GABRG3: variants seen among roughly 807,000 people sequenced by gnomAD.
The protein encoded by GABRG3 is gamma-aminobutyric acid type A receptor subunit gamma3.
A neutral mutation model predicts 48.8 loss-of-function variants in GABRG3; 25 were observed. The observed-to-expected ratio is 0.51, with a 90% CI of 0.37 to 0.72. The LOEUF is 0.72. GABRG3 is among the 30% of genes least tolerant of loss of function. The pLI, the probability that GABRG3 is intolerant of heterozygous loss-of-function variation, is 0.00. For missense variants in GABRG3, 394 were observed against 577.9 expected, an observed-to-expected ratio of 0.68 and a Z score of 3.26; for synonymous variants, 227 against 217.6, an observed-to-expected ratio of 1.04 and a Z score of -0.38.
At chr15:27,066,109 TGTC>T (rs1896733897) in intron 3 of GABRG3, among the ~76,000 whole-genome samples, 1 of 152,246 alleles carries the variant, frequency 6.6e-6, no homozygotes, top group African/African-American at 2.4e-5. Flanking sequence ...AAACATTAGA[TGTC>T]TGGAAAACAT....
chr15:27,119,067 G>A (rs1007220787), intron 3 of GABRG3, among the ~76,000 whole-genome samples: 22 of 152,162 alleles, frequency 1.4e-4, no homozygotes, highest in Admixed American at 7.9e-4. Flanking sequence ...TCATCCCAGC[G>A]GTATTCTCCC....
chr15:27,287,680 T>C (rs73363108), intron 3 of GABRG3, among the ~76,000 whole-genome samples: 1 of 152,098 alleles, frequency 6.6e-6, no homozygotes. Flanking sequence ...ATTTCTGATG[T>C]TGAGTTAACC....
chr15:27,227,693 A>G (rs1889666770), intron 3 of GABRG3, among the ~76,000 whole-genome samples: 1 of 152,012 alleles, frequency 6.6e-6, no homozygotes, highest in Non-Finnish European at 1.5e-5. Context: ...TAAAGAAAAA[A>G]AAAAGAAAAC....
chr15:27,414,999 C>T (rs1338160652), intron 5 of GABRG3, among the ~76,000 whole-genome samples: 1 of 152,090 alleles, frequency 6.6e-6, no homozygotes, highest in Non-Finnish European at 1.5e-5. Flanking sequence ...TGCTTAAGGT[C>T]CTCTGAGCTT....
intron 7 of GABRG3, among the ~76,000 whole-genome samples, chr15:27,522,087 C>A (rs1012112830): frequency 6.6e-6 from 1 of 151,804 alleles, no homozygotes; most frequent in African/African-American, 2.4e-5. Flanking sequence ...TGATGACAAT[C>A]AAAAATAAAG....
At chr15:27,039,570 A>G (rs757646994) in intron 3 of GABRG3, among the ~76,000 whole-genome samples, 2 of 152,194 alleles carry the variant, frequency 1.3e-5, no homozygotes, top group Non-Finnish European at 2.9e-5. Context: ...AAGTGTTATG[A>G]AGACGCCACA....
At chr15:27,313,036 A>G (rs1294971993) in intron 3 of GABRG3, among the ~76,000 whole-genome samples, 2 of 142,180 alleles carry the variant, frequency 1.4e-5, no homozygotes, top group African/African-American at 2.7e-5. Context: ...TGAAGGGTGG[A>G]AAAAAAAAAC....
intron 3 of GABRG3, among the ~76,000 whole-genome samples, chr15:27,051,328 T>A (rs1415871340): frequency 1.3e-5 from 2 of 152,222 alleles, no homozygotes; most frequent in African/African-American, 4.8e-5. Flanking sequence ...AATGCATCTA[T>A]CCATCAATGT....
At chr15:27,438,984 A>C (rs1408697422) in intron 5 of GABRG3, among the ~76,000 whole-genome samples, 2 of 152,172 alleles carry the variant, frequency 1.3e-5, no homozygotes, top group African/African-American at 4.8e-5. Context: ...GCATGTTCAG[A>C]GTGCACACAG....
At chr15:27,114,919 C>A (rs1364846284) in intron 3 of GABRG3, among the ~76,000 whole-genome samples, 5 of 152,004 alleles carry the variant, frequency 3.3e-5, no homozygotes, top group African/African-American at 7.3e-5. Context: ...GGTTTCATTG[C>A]AAAGATATTT....
chr15:27,415,781 A>G (rs1887923032), intron 5 of GABRG3, among the ~76,000 whole-genome samples: 1 of 152,232 alleles, frequency 6.6e-6, no homozygotes, highest in African/African-American at 2.4e-5. Context: ...TCACTCTGCC[A>G]AAAGAAAGAT....
At chr15:27,410,368 T>C (rs1408678841) in intron 5 of GABRG3, among the ~76,000 whole-genome samples, 1 of 152,122 alleles carries the variant, frequency 6.6e-6, no homozygotes, top group Non-Finnish European at 1.5e-5. Context: ...ACTTTTTTAG[T>C]TTAGCTTGGT....
At chr15:27,385,252 T>G (rs1895887282) in intron 5 of GABRG3, among the ~76,000 whole-genome samples, 1 of 31,000 alleles carries the variant, frequency 3.2e-5, no homozygotes, top group Admixed American at 3.1e-4. Flanking sequence ...CACTCGAATT[T>G]CTCACAGCCC....
intron 7 of GABRG3, among the ~76,000 whole-genome samples, 197 bp downstream of exon 7, chr15:27,520,321 TAAATC>T (rs1891128655): frequency 6.6e-6 from 1 of 152,124 alleles, no homozygotes; most frequent in Non-Finnish European, 1.5e-5. Context: ...GTATGCCACT[TAAATC>T]AAGACGGCGT....
At chr15:27,508,526 A>G (rs1457462395) in intron 6 of GABRG3, among the ~76,000 whole-genome samples, 3 of 152,168 alleles carry the variant, frequency 2.0e-5, no homozygotes, top group African/African-American at 7.2e-5. Flanking sequence ...TAAAGTCAAT[A>G]TTATCAAAGC....
chr15:27,383,007 T>C (rs894589446), intron 5 of GABRG3, among the ~76,000 whole-genome samples: 2 of 152,170 alleles, frequency 1.3e-5, no homozygotes, highest in African/African-American at 4.8e-5. Flanking sequence ...AATAGACTTT[T>C]ACAGCCTTGA....
intron 3 of GABRG3, among the ~76,000 whole-genome samples, chr15:27,307,682 GGTTTAT>G (rs1393981231): frequency 1.7e-5 from 2 of 117,334 alleles, no homozygotes; most frequent in Admixed American, 1.8e-4. Flanking sequence ...TATAAACATA[GGTTTAT>G]GTTTATATAT....
intron 3 of GABRG3, among the ~76,000 whole-genome samples, chr15:27,159,134 T>C (rs1004932504): frequency 6.6e-6 from 1 of 152,166 alleles, no homozygotes; most frequent in African/African-American, 2.4e-5. Flanking sequence ...TATATTTATC[T>C]AAGCAATTTA....
At chr15:26,991,884 C>G (rs1313773650) in intron 2 of GABRG3, among the ~76,000 whole-genome samples, 1 of 152,014 alleles carries the variant, frequency 6.6e-6, no homozygotes, top group Non-Finnish European at 1.5e-5. Flanking sequence ...CCATGCCCAG[C>G]TAATTTTTTG....
Sources: allele counts gnomAD v4.1 joint callset (sites outside exome capture counted in the v4.1 genomes callset), GRCh38; gene constraint gnomAD v4.1.1; transcripts MANE v1.5; gene names NCBI Gene and HGNC (gene_info 2026-07-23, HGNC 2026-07-21).